The following SH3GL2 variants were observed in gnomAD, a reference collection of about 807,000 sequenced individuals.
SH3GL2 encodes the protein endophilin-A1.
SH3GL2 carries 24 observed loss-of-function variants against 46.0 expected under a neutral mutation model. The observed-to-expected ratio is 0.52, with a 90% CI of 0.38 to 0.73. The LOEUF is 0.73. Ranked by LOEUF, SH3GL2 falls within the 30% of genes least tolerant of loss-of-function variation. The pLI is 0.00. For synonymous variants in SH3GL2, 196 were observed against 147.1 expected (o/e 1.33, Z -2.40); for missense variants, 413 against 424.2 (o/e 0.97, Z 0.23).
Position 17,595,470 on chromosome 9 carries a change from G to A in SH3GL2, c.45+16183G>A, listed in dbSNP as rs185407987. ...CAAGAGTATAAGAACATGGATCCCCGTTTATGGTGGGAGTGTAAACTGTTA... is the reference window on the plus strand; with the variant it reads ...CAAGAGTATAAGAACATGGATCCCCATTTATGGTGGGAGTGTAAACTGTTA... On this transcript the variant is annotated intron_variant, in intron 1 of 8. Transcript: ENST00000380607. Among the ~76,000 whole-genome samples, 8 of 152,266 alleles carry A rather than the reference G, an allele frequency of 5.3e-5. No homozygotes were observed. The East Asian group carries it at 9.7e-4, about 18-fold the overall frequency.
At chr9:17,774,526 A>G (rs1823584495) in intron 3 of SH3GL2, among the ~76,000 whole-genome samples, 1 of 149,870 alleles carries the variant, frequency 6.7e-6, no homozygotes, top group African/African-American at 2.4e-5. Flanking sequence ...TTATTCCTGC[A>G]TCAATTGAGA....
intron 2 of SH3GL2, chr9:17,755,726 T>C (rs535497966): frequency 1.0e-6 from 1 of 964,444 alleles, no homozygotes. Context: ...TCTAATAGTA[T>C]GAAATCATAT....
At chr9:17,594,807 A>G (rs1192154942) in intron 1 of SH3GL2, among the ~76,000 whole-genome samples, 1 of 152,166 alleles carries the variant, frequency 6.6e-6, no homozygotes, top group Non-Finnish European at 1.5e-5. Context: ...CCTAGCCTGT[A>G]GTGGGCATTT....
chr9:17,633,799 G>C (rs1171836777), intron 1 of SH3GL2, among the ~76,000 whole-genome samples: 1 of 152,196 alleles, frequency 6.6e-6, no homozygotes, highest in Admixed American at 6.5e-5. Context: ...GTCCATTTGA[G>C]TATTTTCTAA....
At chr9:17,653,842 G>A in intron 1 of SH3GL2, 1 of 978,778 alleles carries the variant, frequency 1.0e-6, no homozygotes. Flanking sequence ...CTGCCTTGGT[G>A]AACATTCATG....
rs1818219759 is a variant in SH3GL2 at position 17,579,080 on chromosome 9, C to G, written c.-163C>G. The G allele has an allele frequency of 1.5e-5, 7 of 475,300 alleles. No homozygotes were observed. The East Asian group carries it at 2.3e-4, about 15-fold the overall frequency. 29.4% of individuals were successfully genotyped at this position (475,300 alleles called of 1,614,324 possible). ...CCGCCCTTGACGTCAGAGTGTTTCT[C>G]CGCAAGAGCCCGTGTCCCGCTAGGC... is the stretch of plus-strand genomic sequence containing the variant. On this transcript the variant is annotated 5_prime_UTR_variant, in exon 1 of 9. Transcript: ENST00000380607.
chr9:17,782,032 A>G (rs963174669), intron 3 of SH3GL2, among the ~76,000 whole-genome samples: 6 of 152,174 alleles, frequency 3.9e-5, no homozygotes, highest in Non-Finnish European at 8.8e-5. Context: ...TAGACATAGC[A>G]CTTGCACATT....
intron 1 of SH3GL2, among the ~76,000 whole-genome samples, chr9:17,588,116 A>G (rs1239712698): frequency 1.3e-5 from 2 of 152,110 alleles, no homozygotes; most frequent in Admixed American, 6.5e-5. Context: ...TTTTTCATTT[A>G]TATTTCCCGT....
intron 6 of SH3GL2, chr9:17,789,846 A>G: frequency 1.2e-6 from 1 of 814,866 alleles, no homozygotes; most frequent in Non-Finnish European, 1.5e-6. Flanking sequence ...AATTTATCGA[A>G]TAACGCATTA....
In SH3GL2 at chr9:17,709,680, T is replaced by TACACACACAC. The variant is rs3837228; in HGVS notation, c.46-37361_46-37352dup. 6.8e-3 allele frequency among the ~76,000 whole-genome samples: 1,005 copies of TACACACACAC among 148,264 alleles called. 10 individuals are homozygous for TACACACACAC. The highest frequency in any genetic ancestry group is 0.022 in the African/African-American group (868 of 40,164). ...TATATATAGTTTAACTTATTTGTAT[T>TACACACACAC]ACACACACACACACACACACACACA... On this transcript the variant is annotated intron_variant, in intron 1 of 8. Coordinates refer to ENST00000380607, the MANE Select transcript of SH3GL2 (RefSeq NM_003026.5).
chr9:17,793,876 A>G (rs1444517733), intron 8 of SH3GL2, among the ~76,000 whole-genome samples: 11 of 152,236 alleles, frequency 7.2e-5, no homozygotes, highest in South Asian at 6.2e-4. Flanking sequence ...CCTGTATGAC[A>G]GTGAATGCCC....
At chr9:17,641,008 G>T (rs958390367) in intron 1 of SH3GL2, among the ~76,000 whole-genome samples, 1 of 152,078 alleles carries the variant, frequency 6.6e-6, no homozygotes, top group Admixed American at 6.6e-5. Flanking sequence ...CTGAATTTAG[G>T]TATGTAATTG....
intron 1 of SH3GL2, among the ~76,000 whole-genome samples, chr9:17,720,303 G>T (rs1340511167): frequency 1.3e-5 from 2 of 152,082 alleles, no homozygotes; most frequent in Non-Finnish European, 2.9e-5. Context: ...ATTGTTAAAA[G>T]AAAAACCTTA....
chr9:17,704,964 T>C (rs769113082), intron 1 of SH3GL2, among the ~76,000 whole-genome samples: 73 of 151,270 alleles, frequency 4.8e-4, no homozygotes, highest in Non-Finnish European at 7.5e-4. Flanking sequence ...AAACAGACAA[T>C]CTACAGAATG....
chr9:17,788,133 T>G (rs1432620053), intron 5 of SH3GL2, among the ~76,000 whole-genome samples: 1 of 152,096 alleles, frequency 6.6e-6, no homozygotes. Context: ...TTGTTGAGCT[T>G]TTTTGAAACT....
chr9:17,776,207 T>A (rs3808669), intron 3 of SH3GL2, among the ~76,000 whole-genome samples: 17,632 of 151,990 alleles, frequency 0.12, 1,136 homozygotes, highest in Admixed American at 0.15. Context: ...TTCCACAGAG[T>A]CTGCTGGTTT....
At chr9:17,659,181 G>A (rs1820156174) in intron 1 of SH3GL2, among the ~76,000 whole-genome samples, 1 of 152,166 alleles carries the variant, frequency 6.6e-6, no homozygotes, top group Admixed American at 6.6e-5. Flanking sequence ...CGGCCACTAA[G>A]GTCCCTTCCT....
chr9:17,596,850 A>C (rs1818579877), intron 1 of SH3GL2, among the ~76,000 whole-genome samples: 1 of 152,218 alleles, frequency 6.6e-6, no homozygotes, highest in Non-Finnish European at 1.5e-5. Flanking sequence ...CCTTTCTCCC[A>C]AAGAGGACAC....
At chr9:17,616,608 GA>G (rs1819006307) in intron 1 of SH3GL2, among the ~76,000 whole-genome samples, 1 of 152,124 alleles carries the variant, frequency 6.6e-6, no homozygotes, top group Non-Finnish European at 1.5e-5. Context: ...ACTAGATTAT[GA>G]ATCTTTTGAA....
Sources: gnomAD v4.1 joint callset for allele counts (sites outside exome capture counted in the v4.1 genomes callset) on GRCh38, gnomAD v4.1.1 for gene constraint, MANE v1.5 for transcripts, NCBI Gene and HGNC (gene_info 2026-07-23, HGNC 2026-07-21) for gene names.